Variants in GALNT13 observed in about 807,000 individuals in gnomAD.
The protein encoded by GALNT13 is UDP-GalNAc:polypeptide N-acetylgalactosaminyltransferase 13.
In GALNT13, 28 loss-of-function variants were observed where a neutral mutation model predicts 64.2. The observed-to-expected ratio is 0.44, with a 90% CI of 0.32 to 0.60. The LOEUF is 0.60. Ranked by LOEUF, GALNT13 falls within the 20% of genes least tolerant of loss-of-function variation. The pLI is 0.05. For synonymous variants in GALNT13, 214 were observed against 224.6 expected, an observed-to-expected ratio of 0.95 and a Z score of 0.42; for missense variants, 577 against 669.8, an observed-to-expected ratio of 0.86 and a Z score of 1.53.
chr2:153,432,752 G>T, the GALNT13 span, among the ~76,000 whole-genome samples: 1 of 151,874 alleles, frequency 6.6e-6, no homozygotes, highest in Non-Finnish European at 1.5e-5. Context: ...TGCAATCAGT[G>T]CAACGTTTCA....
intron 3 of GALNT13, among the ~76,000 whole-genome samples, chr2:154,028,475 C>G (rs542055355): frequency 1.3e-5 from 2 of 152,046 alleles, no homozygotes; most frequent in South Asian, 4.1e-4. Flanking sequence ...CCTCTTCTTT[C>G]TACTTAAAGA....
chr2:153,920,117 T>G lies in GALNT13; in HGVS notation c.-105+19110T>G, dbSNP rs183240050. On this transcript the variant is annotated intron_variant, in intron 2 of 12. Transcript: ENST00000392825. ...TGGTTCTTTGATACAGACATTCATA[T>G]TCTGATGTTTTTGCTATTAGTAGGC... Among the ~76,000 whole-genome samples the G allele has an allele frequency of 6.0e-3, 904 of 151,620 alleles. 13 individuals are homozygous for G. Among genetic ancestry groups the G allele is most frequent in the African/African-American group, 0.02 (842 of 41,436 alleles).
At chr2:153,683,761 A>G in the GALNT13 span, among the ~76,000 whole-genome samples, 2 of 151,780 alleles carry the variant, frequency 1.3e-5, no homozygotes, top group East Asian at 3.9e-4. Context: ...AATGGTGAAA[A>G]TATCTTTTGC....
At chr2:153,694,906 C>T in the GALNT13 span, among the ~76,000 whole-genome samples, 10 of 152,024 alleles carry the variant, frequency 6.6e-5, no homozygotes, top group African/African-American at 2.4e-4. Flanking sequence ...AAAACAACCC[C>T]CAGATTCAAT....
intron 3 of GALNT13, among the ~76,000 whole-genome samples, chr2:154,061,620 G>A (rs1269860695): frequency 1.3e-5 from 2 of 152,114 alleles, no homozygotes; most frequent in African/African-American, 4.8e-5. Flanking sequence ...ATTACAATTT[G>A]ACATGAGATT....
intron 1 of GALNT13, among the ~76,000 whole-genome samples, chr2:153,888,539 G>T (rs1202773237): frequency 6.6e-6 from 1 of 151,818 alleles, no homozygotes; most frequent in Non-Finnish European, 1.5e-5. Context: ...AATAATGTTG[G>T]GTCCTCATTT....
the GALNT13 span, among the ~76,000 whole-genome samples, chr2:153,792,278 T>C: frequency 1.3e-5 from 2 of 149,584 alleles, no homozygotes; most frequent in East Asian, 1.9e-4. Flanking sequence ...GTTGCATTTA[T>C]ACTGAAAATG....
At chr2:154,152,190 A>C (rs1218447327) in intron 4 of GALNT13, among the ~76,000 whole-genome samples, 1 of 152,058 alleles carries the variant, frequency 6.6e-6, no homozygotes, top group Non-Finnish European at 1.5e-5. Flanking sequence ...TCACTTCTGA[A>C]GCTTAGTTTG....
chr2:153,991,895 T>C (rs1355695109), intron 3 of GALNT13, among the ~76,000 whole-genome samples: 1 of 152,148 alleles, frequency 6.6e-6, no homozygotes. Flanking sequence ...CATCTGATGA[T>C]CACTCCTATT....
At chr2:153,805,546 G>A in the GALNT13 span, among the ~76,000 whole-genome samples, 2 of 152,012 alleles carry the variant, frequency 1.3e-5, no homozygotes, top group South Asian at 2.1e-4. Flanking sequence ...AGTGATGAAC[G>A]TTAACTATAT....
chr2:153,233,994 A>G, the GALNT13 span, among the ~76,000 whole-genome samples: 2 of 152,220 alleles, frequency 1.3e-5, no homozygotes, highest in Non-Finnish European at 2.9e-5. Context: ...AAAAATGTAT[A>G]AAAGAAGCTT....
intron 9 of GALNT13, among the ~76,000 whole-genome samples, chr2:154,303,716 C>G (rs1450370414): frequency 6.6e-6 from 1 of 151,598 alleles, no homozygotes; most frequent in Non-Finnish European, 1.5e-5. Flanking sequence ...GGAACTTGGA[C>G]AAGAGAGGAA....
chr2:153,357,521 G>C, the GALNT13 span: 2 of 152,150 alleles, frequency 1.3e-5, no homozygotes, highest in East Asian at 3.9e-4. Context: ...TGGAATATAA[G>C]ATTTCAAAAT....
intron 9 of GALNT13, among the ~76,000 whole-genome samples, chr2:154,342,475 C>A (rs1265712730): frequency 6.6e-6 from 1 of 151,876 alleles, no homozygotes; most frequent in East Asian, 1.9e-4. Context: ...CTGCTGTCTG[C>A]TTTTGTTTTG....
intron 10 of GALNT13, among the ~76,000 whole-genome samples, chr2:154,401,744 T>C (rs1324530404): frequency 2.0e-5 from 3 of 152,320 alleles, no homozygotes; most frequent in Non-Finnish European, 4.4e-5. Flanking sequence ...GTCACTGTTT[T>C]TGTTATCCAC....
At chr2:153,998,554 A>C (rs1211986794) in intron 3 of GALNT13, among the ~76,000 whole-genome samples, 2 of 152,182 alleles carry the variant, frequency 1.3e-5, no homozygotes, top group African/African-American at 2.4e-5. Flanking sequence ...GCCCTTTGCC[A>C]GATGGATAGA....
At chr2:153,642,680 T>C in the GALNT13 span, among the ~76,000 whole-genome samples, 1 of 151,920 alleles carries the variant, frequency 6.6e-6, no homozygotes, top group African/African-American at 2.4e-5. Context: ...TTGCAATTTA[T>C]TGATAGAGCA....
At chr2:154,232,424 C>T (rs1006808440) in intron 4 of GALNT13, among the ~76,000 whole-genome samples, 2 of 152,110 alleles carry the variant, frequency 1.3e-5, no homozygotes, top group Non-Finnish European at 2.9e-5. Context: ...ATGGACGTTA[C>T]TGCTTTAGAC....
the GALNT13 span, among the ~76,000 whole-genome samples, chr2:153,566,328 CT>C: frequency 2.6e-5 from 3 of 116,590 alleles, no homozygotes; most frequent in South Asian, 2.8e-4. Context: ...TTAGAAATAT[CT>C]TTAAAATCTT....
Sources: gnomAD v4.1 joint callset for allele counts (sites outside exome capture counted in the v4.1 genomes callset) on GRCh38, gnomAD v4.1.1 for gene constraint, MANE v1.5 for transcripts, NCBI Gene and HGNC (gene_info 2026-07-23, HGNC 2026-07-21) for gene names.